The following XYLT1 variants were observed in gnomAD, a reference collection of about 807,000 sequenced individuals.
XYLT1 encodes the protein beta-D-xylosyltransferase 1.
XYLT1 carries 36 observed loss-of-function variants against 91.3 expected under a neutral mutation model. That is an observed-to-expected ratio of 0.39 (90% CI 0.30 to 0.52). XYLT1 has a LOEUF of 0.52. Ranked by LOEUF, XYLT1 falls within the 20% of genes least tolerant of loss-of-function variation. The probability of loss-of-function intolerance (pLI) is 0.68; values close to 1 mark genes in which losing one functional copy is unlikely to be tolerated. For missense variants in XYLT1, 1,242 were observed against 1,284.5 expected (o/e 0.97, Z 0.51); for synonymous variants, 588 against 532.0 (o/e 1.11, Z -1.45).
chr16:17,182,589 T>C (rs1278095717), intron 5 of XYLT1, among the ~76,000 whole-genome samples: 2 of 151,506 alleles, frequency 1.3e-5, no homozygotes, highest in Non-Finnish European at 2.9e-5. Flanking sequence ...TGATATTGCA[T>C]GGCCTCTTCT....
chr16:17,351,023 AT>A (rs555461025), intron 2 of XYLT1, among the ~76,000 whole-genome samples: 15 of 151,298 alleles, frequency 9.9e-5, no homozygotes, highest in African/African-American at 1.7e-4. Flanking sequence ...AGAAAAAAAA[AT>A]TTTTTTTTTA....
intron 1 of XYLT1, among the ~76,000 whole-genome samples, chr16:17,377,131 C>T (rs1462567547): frequency 2.2e-5 from 3 of 137,020 alleles, no homozygotes; most frequent in Admixed American, 7.1e-5. Context: ...GAGCCAAGAT[C>T]GCACCACTGC....
chr16:17,123,597 G>A (rs901169848), intron 10 of XYLT1, among the ~76,000 whole-genome samples: 3 of 152,122 alleles, frequency 2.0e-5, no homozygotes, highest in Admixed American at 6.5e-5. Flanking sequence ...CCTATCATAT[G>A]GTCTATCTTG....
intron 1 of XYLT1, among the ~76,000 whole-genome samples, chr16:17,458,835 GC>G (rs2036778229): frequency 6.6e-6 from 1 of 151,930 alleles, no homozygotes; most frequent in Non-Finnish European, 1.5e-5. Flanking sequence ...GTTTTGATTG[GC>G]TGGTTATATT....
At chr16:17,134,337 T>C in intron 9 of XYLT1, 136 bp downstream of exon 9, 1 of 1,229,330 alleles carries the variant, frequency 8.1e-7, no homozygotes, top group Non-Finnish European at 1.1e-6. Context: ...AGATGAGTTT[T>C]GGGCAAAGGA....
At chr16:17,201,032 G>T (rs1355358958) in intron 3 of XYLT1, among the ~76,000 whole-genome samples, 1 of 152,170 alleles carries the variant, frequency 6.6e-6, no homozygotes, top group African/African-American at 2.4e-5. Flanking sequence ...TACATGTGTT[G>T]TTTTTGCCTG....
intron 10 of XYLT1, among the ~76,000 whole-genome samples, chr16:17,122,363 T>C (rs2030094034): frequency 6.6e-6 from 1 of 152,246 alleles, no homozygotes; most frequent in Admixed American, 6.5e-5. Context: ...TTGAGCATTT[T>C]TTCATATGTT....
chr16:17,308,410 A>AC (rs1296393025), intron 2 of XYLT1, among the ~76,000 whole-genome samples: 1 of 152,216 alleles, frequency 6.6e-6, no homozygotes, highest in Non-Finnish European at 1.5e-5. Flanking sequence ...AACACCAGGC[A>AC]CAGGACAGGC....
rs2035510440 is a variant in XYLT1 at position 17,370,047 on chromosome 16, C to G, written c.364-11997G>C. Among the ~76,000 whole-genome samples the G allele has an allele frequency of 2.0e-5, 3 of 152,122 alleles. No homozygotes were observed. In the South Asian group the frequency reaches 6.2e-4, roughly 32 times the overall value. On this transcript the variant is annotated intron_variant, in intron 1 of 11. Coordinates refer to ENST00000261381, the MANE Select transcript of XYLT1 (RefSeq NM_022166.4). ...CATCCTGCGAGACCCTTACAAAGCC[C>G]CAGCTGTGGGGGAAGGGAACAACAG...
intron 2 of XYLT1, among the ~76,000 whole-genome samples, chr16:17,292,927 C>G (rs914834671): frequency 6.6e-6 from 1 of 152,146 alleles, no homozygotes; most frequent in African/African-American, 2.4e-5. Flanking sequence ...TGGGCAGGGT[C>G]ACTGTGTGGG....
At chr16:17,426,278 G>A (rs570789327) in intron 1 of XYLT1, among the ~76,000 whole-genome samples, 14 of 152,252 alleles carry the variant, frequency 9.2e-5, no homozygotes, top group African/African-American at 2.2e-4. Flanking sequence ...ATAGCATTAC[G>A]GCCGGGCACG....
intron 2 of XYLT1, among the ~76,000 whole-genome samples, chr16:17,286,955 C>T (rs543275767): frequency 1.2e-4 from 19 of 152,128 alleles, no homozygotes; most frequent in Non-Finnish European, 2.2e-4. Flanking sequence ...CCAAACACCA[C>T]CCAGCCAAGG....
chr16:17,134,536 A>G lies in XYLT1; in HGVS notation c.1964T>C (p.Phe655Ser), dbSNP rs2030630825. The part of the protein sequence containing the change: ...SDVTLTLYHS[F>S]ARLGLRRAET... ...GGCCCGTCGAAGACCCAGGCGGGCA[A>G]AGGAGTGGTACAAGGTGAGTGTCAC... Residue 655 changes from phenylalanine (F) to serine (S), a missense_variant, in exon 9 of 12, where the codon TTT (phenylalanine) becomes TCT (serine). This residue lies in a region of XYLT1 where 511 missense variants were observed against 497.0 expected (regional missense o/e 1.03). Coordinates refer to ENST00000261381, the MANE Select transcript of XYLT1 (RefSeq NM_022166.4). 1 of 1,614,006 alleles carries G rather than the reference A, an allele frequency of 6.2e-7. No individual in the cohort carries two copies.
intron 6 of XYLT1, among the ~76,000 whole-genome samples, chr16:17,151,691 G>A (rs1001446664): frequency 6.6e-6 from 1 of 152,176 alleles, no homozygotes; most frequent in Non-Finnish European, 1.5e-5. Context: ...CAAGGATGAT[G>A]ATTAGTTCAA....
chr16:17,211,677 G>C (rs777424709), intron 3 of XYLT1, among the ~76,000 whole-genome samples: 6 of 152,188 alleles, frequency 3.9e-5, no homozygotes, highest in Non-Finnish European at 7.3e-5. Context: ...GATACGCACT[G>C]TTCTGACGTC....
intron 3 of XYLT1, among the ~76,000 whole-genome samples, chr16:17,258,106 C>T (rs898353970): frequency 2.0e-5 from 3 of 150,298 alleles, no homozygotes; most frequent in African/African-American, 7.4e-5. Flanking sequence ...TAAAAGAGTG[C>T]CAGTGAAGGG....
intron 1 of XYLT1, among the ~76,000 whole-genome samples, chr16:17,431,521 T>G (rs2036391125): frequency 6.6e-6 from 1 of 152,184 alleles, no homozygotes; most frequent in Admixed American, 6.5e-5. Flanking sequence ...AAAAGTAATT[T>G]ATTTTCTCAT....
intron 2 of XYLT1, among the ~76,000 whole-genome samples, chr16:17,315,463 T>A (rs762799508): frequency 2.6e-5 from 4 of 152,218 alleles, no homozygotes; most frequent in African/African-American, 4.8e-5. Context: ...TAACTCTCAA[T>A]TCTAGAATCT....
chr16:17,332,590 A>ACT (rs970045518), intron 2 of XYLT1, among the ~76,000 whole-genome samples: 13 of 151,110 alleles, frequency 8.6e-5, no homozygotes, highest in Admixed American at 8.6e-4. Context: ...ACACACACAC[A>ACT]CACACACACA....
Sources: gnomAD v4.1 joint callset for allele counts (sites outside exome capture counted in the v4.1 genomes callset) on GRCh38, gnomAD v4.1.1 for gene constraint, gnomAD v4.1.1 regional missense constraint, MANE v1.5 for transcripts, NCBI Gene and HGNC (gene_info 2026-07-23, HGNC 2026-07-21) for gene names.